SVEP1: variants seen among roughly 807,000 people sequenced by gnomAD.
SVEP1 encodes the protein sushi, von Willebrand factor type A, EGF and pentraxin domain containing 1.
SVEP1 carries 164 observed loss-of-function variants against 367.3 expected under a neutral mutation model. That is an observed-to-expected ratio of 0.45 (90% confidence interval 0.39 to 0.51). SVEP1 has a LOEUF of 0.51. Among genes scored for constraint, SVEP1 ranks in the 20% least tolerant of loss-of-function variants. The pLI, the probability that SVEP1 is intolerant of heterozygous loss-of-function variation, is 0.00. For missense variants in SVEP1, 4,117 were observed against 4,425.3 expected, an observed-to-expected ratio of 0.93 and a Z score of 1.98; for synonymous variants, 1,666 against 1,611.6, an observed-to-expected ratio of 1.03 and a Z score of -0.81.
chr9:110,416,928 TC>T (rs1371511317), intron 36 of SVEP1, among the ~76,000 whole-genome samples: 2 of 151,932 alleles, frequency 1.3e-5, no homozygotes, highest in African/African-American at 2.4e-5. Context: ...AGTAGCATCT[TC>T]CCCCCAGTTG....
At chr9:110,458,344 T>C in intron 20 of SVEP1, 127 bp downstream of exon 20, 2 of 761,020 alleles carry the variant, frequency 2.6e-6, no homozygotes, top group Non-Finnish European at 4.2e-6. Context: ...ATTATTCATT[T>C]ATAAAATTCA....
rs778281383 is a variant in SVEP1 at position 110,406,805 on chromosome 9, T to C, written c.8795A>G (p.Gln2932Arg). 7 of 1,613,940 alleles carry C rather than the reference T, an allele frequency of 4.3e-6. No homozygotes were observed. The African/African-American group carries it at 9.3e-5, about 22-fold the overall frequency. The change falls in exon 38 of 48, where the codon CAG becomes CGG. Residue 2932 changes from glutamine (Q) to arginine (R), a missense_variant. Physicochemically the swap from Gln to Arg is conservative, Grantham distance 43. Around this residue, in one of 4 missense-constraint regions of SVEP1, gnomAD observed 1,765 missense variants for 1,781.1 expected, o/e 0.99. Coordinates refer to ENST00000374469, the MANE Select transcript of SVEP1 (RefSeq NM_153366.4). ...ILHGAPKLTC[Q>R]SDGNWDAEIP... ...CTCTGCATCCCAGTTGCCATCTGAC[T>C]GACAGGTGAGTTTTGGAGCACCGTG...
chr9:110,512,918 T>C lies in SVEP1; in HGVS notation c.1303+8A>G, dbSNP rs751082282. ...TAAATAAACAATGTAAATTGGCAGT[T>C]TGCATACCTCTGCAGTAGCTCTCTG... On this transcript the variant is annotated splice_region_variant and intron_variant, in intron 5 of 47. Coordinates refer to ENST00000374469, the MANE Select transcript of SVEP1 (RefSeq NM_153366.4). 50 of 1,613,838 alleles carry C rather than the reference T, an allele frequency of 3.1e-5. No homozygotes were observed. The Middle Eastern group carries it at 1.6e-3, about 53-fold the overall frequency.
intron 5 of SVEP1, among the ~76,000 whole-genome samples, chr9:110,509,055 C>G (rs1267262267): frequency 6.6e-6 from 1 of 152,114 alleles, no homozygotes; most frequent in Non-Finnish European, 1.5e-5. Flanking sequence ...ACTACTTTCT[C>G]CATACTACCC....
At chr9:110,514,170 A>T (rs552419729) in intron 3 of SVEP1, 64 bp from the exon 4 acceptor site, 1 of 1,554,784 alleles carries the variant, frequency 6.4e-7, no homozygotes, top group African/African-American at 1.4e-5. Flanking sequence ...TTAACAAAAC[A>T]TTTGAAATTA....
chr9:110,471,567 T>A lies in SVEP1; in HGVS notation c.2795A>T (p.Asp932Val). ...TTGCTGATTTTCCCATTCAAGGGTA[T>A]CATTTCTTTCATCGGGTAATGGCAC... ...ASVPLPDERN[D>V]TLEWENQQRL... The change falls in exon 16 of 48, where the codon GAT becomes GTT. Residue 932 changes from aspartate to valine, a missense_variant. This residue lies in a region of SVEP1 where 2,174 missense variants were observed against 2,494.3 expected (regional missense o/e 0.87). Transcript: ENST00000374469. 6.2e-7 allele frequency: 1 copy of A among 1,613,840 alleles called. No individual in the cohort carries two copies. The highest frequency in any genetic ancestry group is 8.5e-7 in the Non-Finnish European group (1 of 1,179,806).
chr9:110,378,243 G>A (rs1375437880), intron 44 of SVEP1, among the ~76,000 whole-genome samples: 2 of 152,116 alleles, frequency 1.3e-5, no homozygotes, highest in East Asian at 3.9e-4. Context: ...TTTAAGTGAA[G>A]TCTGGGATAT....
intron 46 of SVEP1, 59 bp from the exon 47 acceptor site, chr9:110,370,075 A>G (rs935368899): frequency 1.4e-6 from 2 of 1,468,642 alleles, no homozygotes; most frequent in East Asian, 4.7e-5. Flanking sequence ...GATGATATCC[A>G]TAAAGGCACG....
At chr9:110,402,288 A>G (rs1400302783) in intron 39 of SVEP1, among the ~76,000 whole-genome samples, 1 of 152,078 alleles carries the variant, frequency 6.6e-6, no homozygotes, top group Non-Finnish European at 1.5e-5. Flanking sequence ...CTACACTAAG[A>G]GTTTTGTAAC....
At chr9:110,551,854 C>T (rs977517843) in intron 1 of SVEP1, among the ~76,000 whole-genome samples, 11 of 151,890 alleles carry the variant, frequency 7.2e-5, no homozygotes, top group African/African-American at 2.2e-4. Flanking sequence ...GAACTCTCCA[C>T]ACTCTCTCCA....
chr9:110,449,990 A>G, intron 24 of SVEP1, 69 bp downstream of exon 24: 2 of 1,551,460 alleles, frequency 1.3e-6, no homozygotes, highest in Non-Finnish European at 1.8e-6. Context: ...AATACTCCAT[A>G]AAGGCTGCAG....
chr9:110,446,511 C>T (rs1374652612), intron 25 of SVEP1, among the ~76,000 whole-genome samples: 1 of 152,216 alleles, frequency 6.6e-6, no homozygotes, highest in Admixed American at 6.5e-5. Context: ...TAAAACAAGT[C>T]TTACAGCTAA....
At chr9:110,527,021 G>T (rs544351088) in intron 3 of SVEP1, among the ~76,000 whole-genome samples, 2 of 152,208 alleles carry the variant, frequency 1.3e-5, no homozygotes. Flanking sequence ...ATAGGTTAAA[G>T]GTGGAGGCGG....
chr9:110,478,344 G>A (rs575443475), intron 13 of SVEP1, among the ~76,000 whole-genome samples: 4 of 152,220 alleles, frequency 2.6e-5, no homozygotes, highest in East Asian at 3.9e-4. Context: ...ATAAGCACAG[G>A]GAGTTTTGCC....
intron 3 of SVEP1, among the ~76,000 whole-genome samples, chr9:110,517,926 A>C (rs1390751543): frequency 3.3e-5 from 5 of 152,114 alleles, no homozygotes; most frequent in African/African-American, 4.8e-5. Context: ...ACAAATACTA[A>C]AGAAAGTCTA....
At chr9:110,437,404 T>G (rs1396643447) in intron 27 of SVEP1, among the ~76,000 whole-genome samples, 1 of 152,208 alleles carries the variant, frequency 6.6e-6, no homozygotes, top group Non-Finnish European at 1.5e-5. Context: ...TGTCATATTT[T>G]GGTCTTCTTA....
chr9:110,431,918 C>T lies in SVEP1; in HGVS notation c.5350G>A (p.Ala1784Thr), dbSNP rs755890247. Reference protein sequence around the residue: ...PPYTGDGKNCAEPIKCKAPGN... With the variant: ...PPYTGDGKNCTEPIKCKAPGN... ...TAGTTCTACATATATTGGTTACCTG[C>T]ACAGTTTTTCCCATCTCCTGTGTAC... Residue 1784 changes from alanine to threonine, a missense_variant, in exon 32 of 48, where the codon GCA (alanine) becomes ACA (threonine). Ala to Thr is a moderately conservative substitution (Grantham distance 58). Coordinates refer to ENST00000374469, the MANE Select transcript of SVEP1 (RefSeq NM_153366.4). 3.1e-6 allele frequency: 5 copies of T among 1,613,394 alleles called. No individual in the cohort carries two copies. Among genetic ancestry groups the T allele is most frequent in the Non-Finnish European group, 4.2e-6 (5 of 1,179,618 alleles).
At chr9:110,482,617 C>T in intron 10 of SVEP1, 125 bp from the exon 11 acceptor site, 1 of 1,119,946 alleles carries the variant, frequency 8.9e-7, no homozygotes, top group Non-Finnish European at 1.2e-6. Context: ...ACCTCCACCT[C>T]CCAGGCTCAA....
At position 110,445,781 on chromosome 9, in the gene SVEP1, C is replaced by G. The variant is rs1302532865; in HGVS notation, c.4463+56G>C. 1.3e-5 allele frequency: 20 copies of G among 1,592,924 alleles called. No individual in the cohort carries two copies. In the Admixed American group the frequency reaches 3.3e-4, roughly 27 times the overall value. ...CCATTTCCCATCCTCAATGTCAGTT[C>G]TAATTCGGTTCCAAGATAAGATCTT... On this transcript the variant is annotated intron_variant, in intron 26 of 47. Coordinates refer to ENST00000374469, the MANE Select transcript of SVEP1 (RefSeq NM_153366.4).
Sources: allele counts gnomAD v4.1 joint callset (sites outside exome capture counted in the v4.1 genomes callset), GRCh38; gene constraint gnomAD v4.1.1; regional missense constraint gnomAD v4.1.1; transcripts MANE v1.5; gene names NCBI Gene and HGNC (gene_info 2026-07-23, HGNC 2026-07-21).